ADGRG3: variants seen among roughly 807,000 people sequenced by gnomAD.
ADGRG3 encodes the protein adhesion G protein-coupled receptor G3, also known as G protein-coupled receptor 97.
In ADGRG3, 39 loss-of-function variants were observed where a neutral mutation model predicts 54.3. The ratio of observed to expected loss-of-function variants is 0.72; its 90% confidence interval spans 0.56 to 0.94. ADGRG3 has a LOEUF of 0.94. Among genes scored for constraint, ADGRG3 ranks in the 40% least tolerant of loss-of-function variants. The pLI is 0.00. For synonymous variants in ADGRG3, 312 were observed against 290.0 expected, an observed-to-expected ratio of 1.08 and a Z score of -0.77; for missense variants, 654 against 694.6, an observed-to-expected ratio of 0.94 and a Z score of 0.66.
rs117065802 is a variant in ADGRG3 at position 57,671,291 on chromosome 16, G to A, written c.59-2030G>A. ...TCTGGAGGGAAATTCAATAATACCC[G>A]GCAGTTTTTTAAAGCACATACAGAA... On this transcript the variant is annotated intron_variant, in intron 1 of 11. Coordinates refer to ENST00000333493, the MANE Select transcript of ADGRG3 (RefSeq NM_170776.5). Among the ~76,000 whole-genome samples, 214 of 151,134 alleles carry A rather than the reference G, an allele frequency of 1.4e-3. 1 individual carries two copies. Among genetic ancestry groups the A allele is most frequent in the South Asian group, 2.7e-3 (13 of 4,786 alleles).
At chr16:57,683,308 G>C (rs117483346) in intron 8 of ADGRG3, among the ~76,000 whole-genome samples, 2 of 152,156 alleles carry the variant, frequency 1.3e-5, no homozygotes, top group Admixed American at 6.5e-5. Context: ...GCCCGTGTAC[G>C]TTTGTGTGTC....
chr16:57,684,127 A>G lies in ADGRG3; in HGVS notation c.1077A>G (p.Glu359=). 6.2e-7 allele frequency: 1 copy of G among 1,613,962 alleles called. No individual in the cohort carries two copies. The highest frequency in any genetic ancestry group is 8.5e-7 in the Non-Finnish European group (1 of 1,179,936). The change falls in exon 9 of 12, where the codon GAA becomes GAG. Residue 359 remains glutamate (E), a synonymous_variant. Coordinates refer to ENST00000333493, the MANE Select transcript of ADGRG3 (RefSeq NM_170776.5). ...GTGCCTTCACCTGGATGGGCCTTGA[A>G]GCCTTCCACCTCTACCTGCTCGCTG... ...LLCAFTWMGL[E]AFHLYLLAVR...
At chr16:57,683,234 G>A (rs1273969434) in intron 8 of ADGRG3, among the ~76,000 whole-genome samples, 1 of 152,186 alleles carries the variant, frequency 6.6e-6, no homozygotes, top group East Asian at 1.9e-4. Flanking sequence ...CTCTTCCCAA[G>A]GCTGCCTAAT....
Position 57,680,256 on chromosome 16 carries a change from C to T in ADGRG3, c.668-9C>T. On this transcript the variant is annotated splice_polypyrimidine_tract_variant and intron_variant, in intron 6 of 11. Coordinates refer to ENST00000333493, the MANE Select transcript of ADGRG3 (RefSeq NM_170776.5). Reference sequence around the variant, plus strand: ...CCCTTTCCCTCTGTTCCCCTGGCCTCCTCTCCAGGGACCACTGGAGACTGG... The same window carrying T: ...CCCTTTCCCTCTGTTCCCCTGGCCTTCTCTCCAGGGACCACTGGAGACTGG... 1 of 1,543,718 alleles carries T rather than the reference C, an allele frequency of 6.5e-7. No homozygotes were observed. The highest frequency in any genetic ancestry group is 8.9e-7 in the Non-Finnish European group (1 of 1,124,138).
At position 57,684,152 on chromosome 16, in the gene ADGRG3, G is replaced by C. The variant is rs779233257; in HGVS notation, c.1102G>C (p.Val368Leu). The C allele has an allele frequency of 1.2e-6, 2 of 1,613,982 alleles. No individual in the cohort carries two copies. The highest frequency in any genetic ancestry group is 2.7e-5 in the African/African-American group (2 of 74,910). Residue 368 changes from valine to leucine, a missense_variant, in exon 9 of 12, where the codon GTC becomes CTC. Val to Leu is a conservative substitution (Grantham distance 32, BLOSUM62 1). Coordinates refer to ENST00000333493, the MANE Select transcript of ADGRG3 (RefSeq NM_170776.5). ...LEAFHLYLLAVRVFNTYFGHY... is the reference protein window; with the variant it reads ...LEAFHLYLLALRVFNTYFGHY... The stretch of plus-strand genomic sequence containing the variant: ...AGCCTTCCACCTCTACCTGCTCGCT[G>C]TCAGGGTCTTCAACACCTACTTCGG...
At chr16:57,679,060 C>G in intron 4 of ADGRG3, 117 bp from the exon 5 acceptor site, 2 of 1,236,928 alleles carry the variant, frequency 1.6e-6, no homozygotes, top group Admixed American at 2.1e-5. Flanking sequence ...CCCCTGGTCT[C>G]GAACTCTGCC....
At chr16:57,673,564 A>T in intron 2 of ADGRG3, 96 bp downstream of exon 2, 1 of 1,211,694 alleles carries the variant, frequency 8.3e-7, no homozygotes, top group South Asian at 1.5e-5. Flanking sequence ...GGCCCCAGAA[A>T]ATGTTGCTCC....
chr16:57,678,539 A>G (rs1354157857), intron 4 of ADGRG3: 9 of 573,224 alleles, frequency 1.6e-5, no homozygotes, highest in Non-Finnish European at 2.8e-5. Context: ...TTTGACCCCC[A>G]CACATGAGTG....
chr16:57,683,583 T>G (rs2048415374), intron 8 of ADGRG3, among the ~76,000 whole-genome samples: 1 of 152,226 alleles, frequency 6.6e-6, no homozygotes, highest in Non-Finnish European at 1.5e-5. Flanking sequence ...GTGCTTCTAT[T>G]CTCTGCTTTT....
chr16:57,675,079 C>CA (rs372902215), intron 2 of ADGRG3, among the ~76,000 whole-genome samples: 3,326 of 138,602 alleles, frequency 0.024, 39 homozygotes, highest in Middle Eastern at 0.036. Flanking sequence ...TCACAGTAGC[C>CA]AAAAAAAAAA....
At chr16:57,676,571 G>A (rs2048268236) in intron 3 of ADGRG3, among the ~76,000 whole-genome samples, 1 of 152,192 alleles carries the variant, frequency 6.6e-6, no homozygotes, top group South Asian at 2.1e-4. Flanking sequence ...GGGTTCGATG[G>A]ACAGACTCTG....
upstream of ADGRG3, chr16:57,668,140 G>T (rs1161459617): frequency 5.1e-6 from 3 of 585,948 alleles, no homozygotes; most frequent in Non-Finnish European, 6.1e-6. Flanking sequence ...TGGACCCAGG[G>T]TGCGGTGAGA....
chr16:57,666,131 G>A (rs2148686142), upstream of ADGRG3, among the ~76,000 whole-genome samples: 1 of 152,278 alleles, frequency 6.6e-6, no homozygotes, highest in East Asian at 1.9e-4. Context: ...CTCCTTACAG[G>A]CTTCTAGGTC....
intron 1 of ADGRG3, among the ~76,000 whole-genome samples, chr16:57,669,208 G>A (rs1463199609): frequency 6.6e-6 from 1 of 152,236 alleles, no homozygotes; most frequent in Non-Finnish European, 1.5e-5. Flanking sequence ...CTCCTGACTC[G>A]GTGAGGGGCC....
Position 57,685,923 on chromosome 16 carries a change from C to A in ADGRG3, c.1537C>A (p.Gln513Lys). Reference protein sequence around the residue: ...VYIFALFNSLQGVFICCWFTI... With the variant: ...VYIFALFNSLKGVFICCWFTI... ...CATCTTTGCACTTTTCAACTCCTTG[C>A]AAGGTGAGGCCCCTGCACCAGGGAG... Residue 513 changes from glutamine to lysine, a missense_variant, in exon 11 of 12, where the codon CAA becomes AAA. Physicochemically the swap from Gln to Lys is moderately conservative, Grantham distance 53. Coordinates refer to ENST00000333493, the MANE Select transcript of ADGRG3 (RefSeq NM_170776.5). 1 of 1,613,548 alleles carries A rather than the reference C, an allele frequency of 6.2e-7. No homozygotes were observed. Among genetic ancestry groups the A allele is most frequent in the South Asian group, 1.1e-5 (1 of 91,078 alleles).
Position 57,670,022 on chromosome 16 carries a change from G to T in ADGRG3, c.58+1617G>T, listed in dbSNP as rs115153953. Among the ~76,000 whole-genome samples, 1,092 of 152,320 alleles carry T rather than the reference G, an allele frequency of 7.2e-3. 16 individuals are homozygous for T. Among genetic ancestry groups the T allele is most frequent in the African/African-American group, 0.025 (1,038 of 41,576 alleles). On this transcript the variant is annotated intron_variant, in intron 1 of 11. Coordinates refer to ENST00000333493, the MANE Select transcript of ADGRG3 (RefSeq NM_170776.5). Reference sequence around the variant, plus strand: ...GTGGCCCCCTGGGCTTCTACAGCCAGACTGTGGCTACAGGAGGGAAATGGC... The same window carrying T: ...GTGGCCCCCTGGGCTTCTACAGCCATACTGTGGCTACAGGAGGGAAATGGC...
intron 8 of ADGRG3, chr16:57,682,476 C>A: frequency 1.0e-6 from 1 of 985,046 alleles, no homozygotes. Flanking sequence ...CTCACCCCCA[C>A]CCTCCAAGCC....
In ADGRG3 at chr16:57,668,540, C is replaced by A. The variant is rs559947556; in HGVS notation, c.58+135C>A. ...GTCTGGGATGTGTCCTCCGATACCC[C>A]CCGTGGCCGCCTCAGCACCTTCTCT... On this transcript the variant is annotated intron_variant, in intron 1 of 11. Coordinates refer to ENST00000333493, the MANE Select transcript of ADGRG3 (RefSeq NM_170776.5). 6.3e-5 allele frequency: 48 copies of A among 766,500 alleles called. No individual in the cohort carries two copies. The South Asian group carries it at 6.8e-4, about 11-fold the overall frequency. The allele number at this position is 766,500 out of a possible 1,614,324, so 47.5% of individuals were successfully genotyped here.
At chr16:57,680,826 A>G (rs377108054) in intron 8 of ADGRG3, among the ~76,000 whole-genome samples, 1 of 152,210 alleles carries the variant, frequency 6.6e-6, no homozygotes. Flanking sequence ...TGGCTTAAAC[A>G]TAATAGGGAA....
Sources: gnomAD v4.1 joint callset for allele counts (sites outside exome capture counted in the v4.1 genomes callset) on GRCh38, gnomAD v4.1.1 for gene constraint, MANE v1.5 for transcripts, NCBI Gene and HGNC (gene_info 2026-07-23, HGNC 2026-07-21) for gene names.